GADL1: variants seen among roughly 807,000 people sequenced by gnomAD.
GADL1 encodes the protein GAD like acidic amino acid decarboxylase 1, also known as acidic amino acid decarboxylase GADL1.
Under a neutral mutation model 69.5 loss-of-function variants are expected in GADL1, and 71 were observed. The ratio of observed to expected loss-of-function variants is 1.02; its 90% confidence interval spans 0.84 to 1.25. GADL1 has a LOEUF of 1.25. Ranked by LOEUF, GADL1 falls within the 50% of genes most tolerant of loss-of-function variation. The pLI, the probability that GADL1 is intolerant of heterozygous loss-of-function variation, is 0.00. For missense variants in GADL1, 737 were observed against 631.8 expected (o/e 1.17, Z -1.79); for synonymous variants, 254 against 214.4 (o/e 1.18, Z -1.62).
chr3:30,857,903 C>T (rs1698254942), intron 2 of GADL1, among the ~76,000 whole-genome samples: 1 of 151,950 alleles, frequency 6.6e-6, no homozygotes, highest in Non-Finnish European at 1.5e-5. Context: ...ACTGTGTGTG[C>T]CCTCTGCCTA....
At chr3:30,840,786 G>C (rs1034307011) in intron 8 of GADL1, among the ~76,000 whole-genome samples, 5 of 152,194 alleles carry the variant, frequency 3.3e-5, no homozygotes, top group Non-Finnish European at 7.3e-5. Context: ...ATTTAACCTA[G>C]ACTTTCTTCC....
chr3:30,741,395 A>G lies in GADL1; in HGVS notation c.1393-12980T>C, dbSNP rs529091301. On this transcript the variant is annotated intron_variant, in intron 14 of 14. Transcript: ENST00000282538. ...TCCCCACATTTAACCAGTAGTCTCA[A>G]CACTGCTGATGGAACAAGCCTGCCT... is the stretch of plus-strand genomic sequence containing the variant. Among the ~76,000 whole-genome samples, 5 of 152,112 alleles carry G rather than the reference A, an allele frequency of 3.3e-5. No homozygotes were observed. The East Asian group carries it at 7.7e-4, about 24-fold the overall frequency.
At chr3:30,783,215 A>T (rs1412754415) in intron 13 of GADL1, among the ~76,000 whole-genome samples, 1 of 152,030 alleles carries the variant, frequency 6.6e-6, no homozygotes, top group African/African-American at 2.4e-5. Context: ...ACCTTGAGAA[A>T]AGAAAAAGTT....
chr3:30,751,518 G>A (rs1209958743), intron 14 of GADL1, among the ~76,000 whole-genome samples: 1 of 150,772 alleles, frequency 6.6e-6, no homozygotes, highest in Non-Finnish European at 1.5e-5. Context: ...ATCTTGTAAT[G>A]CTATTTGCCT....
chr3:30,844,970 C>G (rs748354309), intron 6 of GADL1, among the ~76,000 whole-genome samples: 1 of 152,100 alleles, frequency 6.6e-6, no homozygotes, highest in Non-Finnish European at 1.5e-5. Flanking sequence ...TTGAAACCCT[C>G]TAAGGAGAGG....
rs948976310 is a variant in GADL1, at chr3:30,884,920, T to C, written c.37+9658A>G. ...GTGTTGTTTCTTATCACCTTTATCG[T>C]ATGGGGGCAGTGAACTGATGGCTCA... On this transcript the variant is annotated intron_variant, in intron 1 of 14. Coordinates refer to ENST00000282538, the MANE Select transcript of GADL1 (RefSeq NM_207359.3). Among the ~76,000 whole-genome samples, 7 of 151,986 alleles carry C rather than the reference T, an allele frequency of 4.6e-5. No individual in the cohort carries two copies. In the South Asian group the frequency reaches 6.2e-4, roughly 14 times the overall value.
chr3:30,837,466 T>C (rs953741159), intron 9 of GADL1, among the ~76,000 whole-genome samples: 10 of 152,134 alleles, frequency 6.6e-5, no homozygotes, highest in African/African-American at 2.4e-4. Context: ...CATTCCCTTA[T>C]AAAGATGTTT....
intron 14 of GADL1, among the ~76,000 whole-genome samples, chr3:30,751,587 G>A (rs535291597): frequency 1.2e-4 from 18 of 151,620 alleles, no homozygotes; most frequent in African/African-American, 4.1e-4. Context: ...TCTAGAACTT[G>A]AGTGGAGGTA....
At chr3:30,836,403 A>AT (rs1167794322) in intron 9 of GADL1, among the ~76,000 whole-genome samples, 2 of 151,372 alleles carry the variant, frequency 1.3e-5, no homozygotes, top group African/African-American at 4.9e-5. Context: ...TCCTTAAAAA[A>AT]AAAAAAACAC....
intron 11 of GADL1, among the ~76,000 whole-genome samples, chr3:30,813,362 C>A (rs552487070): frequency 7.9e-6 from 1 of 126,910 alleles, no homozygotes; most frequent in East Asian, 2.4e-4. Flanking sequence ...GGATTAATTG[C>A]ATCTCTCCAA....
chr3:30,752,525 CTG>C (rs1487014631), intron 14 of GADL1, among the ~76,000 whole-genome samples: 1 of 152,182 alleles, frequency 6.6e-6, no homozygotes, highest in Non-Finnish European at 1.5e-5. Context: ...CTGTGGGACA[CTG>C]TTTGCTTCTT....
At chr3:30,820,375 A>G (rs966871521) in intron 11 of GADL1, among the ~76,000 whole-genome samples, 1 of 152,142 alleles carries the variant, frequency 6.6e-6, no homozygotes, top group East Asian at 1.9e-4. Flanking sequence ...TCAGTCTATT[A>G]TAATTGTAAC....
At chr3:30,763,508 G>GGGGGTTGGGGGT (rs1430321518) in intron 14 of GADL1, among the ~76,000 whole-genome samples, 39 of 93,320 alleles carry the variant, frequency 4.2e-4, no homozygotes, top group African/African-American at 1.7e-3. Context: ...TCTCGGCGGC[G>GGGGGTTGGGGGT]GGGGGTGGGG....
rs539327070 is a variant in GADL1 at position 30,751,586 on chromosome 3, TGAGTG to T, written c.1393-23176_1393-23172del. On this transcript the variant is annotated intron_variant, in intron 14 of 14. Coordinates refer to ENST00000282538, the MANE Select transcript of GADL1 (RefSeq NM_207359.3). ...ACTAGAAAAAAGGCTTTCTAGAACT[TGAGTG>T]GAGGTATCTATAGAAGATAGGCTAA... Among the ~76,000 whole-genome samples, 123 of 151,844 alleles carry T rather than the reference TGAGTG, an allele frequency of 8.1e-4. No individual in the cohort carries two copies. The Middle Eastern group carries it at 0.014, about 17-fold the overall frequency.
At chr3:30,800,691 TTAG>T (rs1697140211) in intron 12 of GADL1, 195 bp downstream of exon 12, 2 of 591,180 alleles carry the variant, frequency 3.4e-6, no homozygotes, top group Non-Finnish European at 6.0e-6. Context: ...TTCCTAACAC[TTAG>T]TAGGTACTGA....
In GADL1 at chr3:30,808,512, TGAG is replaced by T. The variant is rs753154983; in HGVS notation, c.1051-7427_1051-7425del. ...GACTCTATCTCAAAAAAAAAAAAAA[TGAG>T]GATATCATTCAAATGTGAGATTTCA... On this transcript the variant is annotated intron_variant, in intron 11 of 14. Coordinates refer to ENST00000282538, the MANE Select transcript of GADL1 (RefSeq NM_207359.3). Among the ~76,000 whole-genome samples the T allele has an allele frequency of 1.5e-3, 179 of 115,636 alleles. 1 individual carries two copies. Among genetic ancestry groups the T allele is most frequent in the South Asian group, 0.011 (39 of 3,700 alleles). The allele number at this position is 115,636 out of a possible 152,430, so 75.9% of individuals were successfully genotyped here. A position where few individuals can be genotyped will look rare whatever the true frequency, so the allele number is the denominator to read the frequency against.
At chr3:30,789,752 C>T (rs6805039) in intron 12 of GADL1, among the ~76,000 whole-genome samples, 31,652 of 152,050 alleles carry the variant, frequency 0.21, 7,399 homozygotes, top group African/African-American at 0.56. Context: ...ACAGCTTCTG[C>T]ACTCGAACCT....
chr3:30,849,697 C>CT (rs1463878811), intron 6 of GADL1, among the ~76,000 whole-genome samples: 1 of 152,058 alleles, frequency 6.6e-6, no homozygotes, highest in Non-Finnish European at 1.5e-5. Flanking sequence ...CATCTAAGTA[C>CT]TAACAAATAA....
intron 14 of GADL1, among the ~76,000 whole-genome samples, chr3:30,761,606 G>A (rs1284155878): frequency 1.3e-5 from 2 of 152,160 alleles, no homozygotes; most frequent in Non-Finnish European, 2.9e-5. Context: ...GGAAGTCTGA[G>A]TCTAAACCAA....
Sources: allele counts gnomAD v4.1 joint callset (sites outside exome capture counted in the v4.1 genomes callset), GRCh38; gene constraint gnomAD v4.1.1; transcripts MANE v1.5; gene names NCBI Gene and HGNC (gene_info 2026-07-23, HGNC 2026-07-21).